Variants in BRF1 observed in about 807,000 individuals in gnomAD.
BRF1 encodes the protein transcription factor IIIB 90 kDa subunit.
A neutral mutation model predicts 81.7 loss-of-function variants in BRF1; 59 were observed. The observed-to-expected ratio is 0.72, with a 90% CI of 0.59 to 0.90. The LOEUF (loss-of-function observed/expected upper bound fraction) is 0.90, where lower values mean the gene tolerates loss of function less well. Ranked by LOEUF, BRF1 falls within the 40% of genes least tolerant of loss-of-function variation. BRF1 has a pLI of 0.00. For missense variants in BRF1, 1,050 were observed against 936.3 expected (o/e 1.12, Z -1.58); for synonymous variants, 491 against 395.6 (o/e 1.24, Z -2.86).
At chr14:105,265,698 C>A (rs2056380394) in intron 3 of BRF1, among the ~76,000 whole-genome samples, 1 of 151,906 alleles carries the variant, frequency 6.6e-6, no homozygotes, top group South Asian at 2.1e-4. Flanking sequence ...GAGATTGAGA[C>A]CATCCTGGCT....
intron 5 of BRF1, among the ~76,000 whole-genome samples, chr14:105,245,686 C>T (rs1313488211): frequency 6.6e-6 from 1 of 152,122 alleles, no homozygotes; most frequent in Non-Finnish European, 1.5e-5. Context: ...AAAGGATGGT[C>T]TCTTCAATAT....
At chr14:105,283,757 T>G (rs990848718) in intron 2 of BRF1, among the ~76,000 whole-genome samples, 2 of 152,162 alleles carry the variant, frequency 1.3e-5, no homozygotes, top group African/African-American at 4.8e-5. Flanking sequence ...CGCGAGTTTT[T>G]GGGAAAATAC....
At chr14:105,241,014 C>T (rs587624789) in intron 6 of BRF1, among the ~76,000 whole-genome samples, 1 of 152,330 alleles carries the variant, frequency 6.6e-6, no homozygotes, top group East Asian at 1.9e-4. Flanking sequence ...AGTAGGCAAC[C>T]TGGGGTCAAG....
In BRF1 at chr14:105,241,377, C is replaced by T; in HGVS notation, c.582G>A (p.Leu194=). ...CCTCGTGGTTCTTCTCCCCGAATTC[C>T]AGCAGGTGCGCAAAGCGTGGAATAT... ...CLYIPRFAHL[L]EFGEKNHEVS... Residue 194 remains leucine, a synonymous_variant, in exon 6 of 18, where the codon CTG becomes CTA. Coordinates refer to ENST00000547530, the MANE Select transcript of BRF1 (RefSeq NM_001519.4). 3 of 1,612,772 alleles carry T rather than the reference C, an allele frequency of 1.9e-6. No homozygotes were observed. Among genetic ancestry groups the T allele is most frequent in the Non-Finnish European group, 2.5e-6 (3 of 1,179,940 alleles).
Position 105,284,467 on chromosome 14 carries a change from C to T in BRF1, c.265+1829G>A, listed in dbSNP as rs947745857. On this transcript the variant is annotated intron_variant, in intron 2 of 17. Coordinates refer to ENST00000547530, the MANE Select transcript of BRF1 (RefSeq NM_001519.4). The surrounding 1 kb of genome is among the most constrained non-coding windows in gnomAD (Gnocchi z 4.0). Reference sequence around the variant, plus strand: ...GAGCAGAGGCAGGTGCTCAAGAGCCCGGCCTCCTGGAGATGGCCCAGGAGA... The same window carrying T: ...GAGCAGAGGCAGGTGCTCAAGAGCCTGGCCTCCTGGAGATGGCCCAGGAGA... Among the ~76,000 whole-genome samples the T allele has an allele frequency of 4.6e-5, 7 of 152,102 alleles. No homozygotes were observed. The highest frequency in any genetic ancestry group is 1.2e-4 in the African/African-American group (5 of 41,412).
intron 2 of BRF1, among the ~76,000 whole-genome samples, chr14:105,281,876 A>G (rs587734491): frequency 1.3e-5 from 2 of 152,042 alleles, no homozygotes; most frequent in South Asian, 4.2e-4. Flanking sequence ...CAGGTGGTTC[A>G]TGGAAGGTCA....
intron 2 of BRF1, among the ~76,000 whole-genome samples, chr14:105,278,934 C>T (rs1370462251): frequency 6.6e-6 from 1 of 152,126 alleles, no homozygotes; most frequent in African/African-American, 2.4e-5. Context: ...ATCCCAGCTA[C>T]TCGGGAGGCT....
intron 6 of BRF1, among the ~76,000 whole-genome samples, 169 bp from the exon 7 acceptor site, chr14:105,229,082 T>C (rs1372485040): frequency 6.6e-6 from 1 of 152,186 alleles, no homozygotes; most frequent in Non-Finnish European, 1.5e-5. Context: ...CTGAACGACA[T>C]GACCCTCTCT....
At chr14:105,314,462 G>C (rs1054027103) in intron 1 of BRF1, 1 of 149,212 alleles carries the variant, frequency 6.7e-6, no homozygotes, top group Admixed American at 6.6e-5. Context: ...CTCCCGGGGG[G>C]CGGGGCGGGG....
At chr14:105,279,710 C>G (rs2056989821) in intron 2 of BRF1, among the ~76,000 whole-genome samples, 1 of 152,170 alleles carries the variant, frequency 6.6e-6, no homozygotes, top group Non-Finnish European at 1.5e-5. Flanking sequence ...AGGTAAACTC[C>G]CAAGCGGAGG....
At chr14:105,306,324 GAC>G (rs1358107948) in intron 1 of BRF1, among the ~76,000 whole-genome samples, 8 of 147,686 alleles carry the variant, frequency 5.4e-5, no homozygotes, top group Non-Finnish European at 5.9e-5. Flanking sequence ...TTGTTTTTGA[GAC>G]ACAGTCTTGC....
At chr14:105,292,548 C>G (rs587637518) in intron 1 of BRF1, among the ~76,000 whole-genome samples, 10 of 152,262 alleles carry the variant, frequency 6.6e-5, no homozygotes, top group African/African-American at 2.4e-4. Flanking sequence ...CTGTAGGAGG[C>G]CTGGCTGGCT....
rs1235798833 is a variant in BRF1 at position 105,210,509 on chromosome 14, C to T, written c.*42G>A. On this transcript the variant is annotated 3_prime_UTR_variant, in exon 18 of 18. Coordinates refer to ENST00000547530, the MANE Select transcript of BRF1 (RefSeq NM_001519.4). This position sits in a 1 kb window ranked among gnomAD's most constrained non-coding sequence, Gnocchi z 4.7. Reference sequence around the variant, plus strand: ...GCCCGTCTGATGCTGAGGAGACCCGCGAGGCCCCCTGCCAGGACATCACCT... The same window carrying T: ...GCCCGTCTGATGCTGAGGAGACCCGTGAGGCCCCCTGCCAGGACATCACCT... 6 of 1,605,636 alleles carry T rather than the reference C, an allele frequency of 3.7e-6. No individual in the cohort carries two copies. Among genetic ancestry groups the T allele is most frequent in the African/African-American group, 1.3e-5 (1 of 74,874 alleles).
intron 14 of BRF1, among the ~76,000 whole-genome samples, chr14:105,218,620 G>A (rs765020645): frequency 4.5e-4 from 68 of 152,338 alleles, no homozygotes; most frequent in Non-Finnish European, 6.0e-4. Flanking sequence ...GCAAGTCACC[G>A]TGACGGCCAC....
At chr14:105,288,449 C>T (rs2057395826) in intron 1 of BRF1, among the ~76,000 whole-genome samples, 1 of 150,062 alleles carries the variant, frequency 6.7e-6, no homozygotes, top group Admixed American at 6.6e-5. Context: ...AAGACTCCGT[C>T]TCAAAAAAAT....
At chr14:105,304,384 A>G (rs1031952758), upstream of BRF1, among the ~76,000 whole-genome samples, 3 of 152,150 alleles carry the variant, frequency 2.0e-5, no homozygotes, top group African/African-American at 4.8e-5. Flanking sequence ...GCTACTCGGG[A>G]GGCTGAGGCA....
chr14:105,226,868 G>C, intron 7 of BRF1, 108 bp from the exon 8 acceptor site: 1 of 1,554,432 alleles, frequency 6.4e-7, no homozygotes, highest in South Asian at 1.1e-5. Flanking sequence ...CAGTGCTTTG[G>C]GAGCCCAAGG....
At chr14:105,244,943 A>G (rs1390981499) in intron 5 of BRF1, among the ~76,000 whole-genome samples, 1 of 151,852 alleles carries the variant, frequency 6.6e-6, no homozygotes, top group African/African-American at 2.4e-5. Flanking sequence ...TTTGACCCCA[A>G]GTGCAAAAAA....
intron 5 of BRF1, chr14:105,249,126 A>G (rs2055397680): frequency 3.3e-6 from 5 of 1,519,620 alleles, no homozygotes; most frequent in South Asian, 2.4e-5. Flanking sequence ...GCGCGCGCCC[A>G]CGCCCCCAGC....
Sources: gnomAD v4.1 joint callset for allele counts (sites outside exome capture counted in the v4.1 genomes callset) on GRCh38, gnomAD v4.1.1 for gene constraint, Gnocchi (gnomAD v3.1) non-coding constraint, MANE v1.5 for transcripts, NCBI Gene and HGNC (gene_info 2026-07-23, HGNC 2026-07-21) for gene names.